Variants in CERK observed in about 807,000 individuals in gnomAD.
The protein encoded by CERK is ceramide kinase.
In CERK, 39 loss-of-function variants were observed where a neutral mutation model predicts 63.4. The observed-to-expected ratio is 0.61, with a 90% CI of 0.48 to 0.80. The LOEUF is 0.80. Among genes scored for constraint, CERK ranks in the 30% least tolerant of loss-of-function variants. The pLI is 0.00. For missense variants in CERK, 670 were observed against 714.1 expected (o/e 0.94, Z 0.70); for synonymous variants, 302 against 280.0 (o/e 1.08, Z -0.78).
chr22:46,700,203 G>T (rs2082776715), intron 7 of CERK, among the ~76,000 whole-genome samples: 1 of 151,768 alleles, frequency 6.6e-6, no homozygotes, highest in South Asian at 2.1e-4. Flanking sequence ...AGACCAGCCT[G>T]GTCAACATGG....
chr22:46,720,996 T>TA lies in CERK; in HGVS notation c.161dup (p.Ser55IlefsTer2). 1 of 1,613,194 alleles carries TA rather than the reference T, an allele frequency of 6.2e-7. No individual in the cohort carries two copies. The highest frequency in any genetic ancestry group is 1.7e-5 in the Admixed American group (1 of 60,000). On this transcript the variant is annotated frameshift_variant, in exon 2 of 13. Transcript: ENST00000216264. LOFTEE classifies it high-confidence loss of function. ...TTTCCTCAACGGCGATGATCTCAGA[T>TA]ACAGGCACAGAGCAGGCATCTGTAA... is the stretch of plus-strand genomic sequence containing the variant.
At chr22:46,713,406 G>A (rs1164046530) in intron 3 of CERK, among the ~76,000 whole-genome samples, 2 of 151,586 alleles carry the variant, frequency 1.3e-5, no homozygotes, top group African/African-American at 4.8e-5. Context: ...CTACTTGGGA[G>A]GCTGAGGCAG....
In CERK at chr22:46,736,431, G is replaced by T. The variant is rs557741944; in HGVS notation, c.142+1576C>A. Reference sequence around the variant, plus strand: ...AGTCACTTCCAGCCCCTGCAGATCGGCCCCTGCATCCCTAGGACGGGAGCA... The same window carrying T: ...AGTCACTTCCAGCCCCTGCAGATCGTCCCCTGCATCCCTAGGACGGGAGCA... On this transcript the variant is annotated intron_variant, in intron 1 of 12. Transcript: ENST00000216264. 8.5e-5 allele frequency among the ~76,000 whole-genome samples: 13 copies of T among 152,330 alleles called. No homozygotes were observed. The South Asian group carries it at 2.7e-3, about 32-fold the overall frequency.
chr22:46,700,463 C>T (rs139203672), intron 7 of CERK, among the ~76,000 whole-genome samples: 14 of 151,856 alleles, frequency 9.2e-5, no homozygotes, highest in South Asian at 2.1e-4. Flanking sequence ...CAGTGGCTCA[C>T]GCCTATAATC....
At chr22:46,715,991 G>T (rs893321795) in intron 3 of CERK, among the ~76,000 whole-genome samples, 2 of 152,076 alleles carry the variant, frequency 1.3e-5, no homozygotes, top group Admixed American at 6.6e-5. Flanking sequence ...TTTGAGACCA[G>T]CCTGGGCAAC....
At chr22:46,700,233 A>C (rs1258727147) in intron 7 of CERK, among the ~76,000 whole-genome samples, 1 of 150,788 alleles carries the variant, frequency 6.6e-6, no homozygotes, top group Non-Finnish European at 1.5e-5. Context: ...GTCTCTACTA[A>C]AAATACAAAA....
rs2082704903 is a variant in CERK, at chr22:46,686,998, T to G, written c.*136A>C. On this transcript the variant is annotated 3_prime_UTR_variant, in exon 13 of 13. Transcript: ENST00000216264. ...GTACACAAAATTGTTGACAAAAGGG[T>G]TTTCTTCTAAAATCAAGATTTAACT... 2.5e-6 allele frequency: 2 copies of G among 786,398 alleles called. No individual in the cohort carries two copies. The highest frequency in any genetic ancestry group is 5.5e-5 in the East Asian group (2 of 36,612). 48.7% of individuals were successfully genotyped at this position (786,398 alleles called of 1,614,324 possible).
chr22:46,719,174 C>G (rs9616107), intron 3 of CERK, among the ~76,000 whole-genome samples: 20,150 of 150,496 alleles, frequency 0.13, 1,751 homozygotes, highest in African/African-American at 0.25. Context: ...GTGTGTGTGT[C>G]TACCATATGT....
intron 1 of CERK, among the ~76,000 whole-genome samples, chr22:46,734,164 G>A (rs2082960656): frequency 6.6e-6 from 1 of 151,904 alleles, no homozygotes; most frequent in Admixed American, 6.6e-5. Context: ...TAAAGGGTCA[G>A]GGTGTCTTTA....
intron 3 of CERK, among the ~76,000 whole-genome samples, chr22:46,712,644 T>G (rs2082847236): frequency 6.6e-6 from 1 of 151,886 alleles, no homozygotes; most frequent in South Asian, 2.1e-4. Flanking sequence ...GAGGTGAGTG[T>G]GCAGACAGCA....
intron 7 of CERK, among the ~76,000 whole-genome samples, chr22:46,700,300 G>A (rs1465202346): frequency 6.6e-6 from 1 of 152,030 alleles, no homozygotes; most frequent in African/African-American, 2.4e-5. Flanking sequence ...GGCTGAGGCA[G>A]GAGAATCGCT....
Position 46,738,176 on chromosome 22 carries a change from T to G in CERK, c.-28A>C. The G allele has an allele frequency of 3.5e-6, 4 of 1,130,722 alleles. No homozygotes were observed. Among genetic ancestry groups the G allele is most frequent in the South Asian group, 3.4e-5 (1 of 29,032 alleles). 70.0% of individuals were successfully genotyped at this position (1,130,722 alleles called of 1,614,324 possible). ...CCGCCGCCGGGCTCGTCCGCCAGGC[T>G]GGGGGCGCGCGGACGCCGAGGGGCG... On this transcript the variant is annotated 5_prime_UTR_variant, in exon 1 of 13. Coordinates refer to ENST00000216264, the MANE Select transcript of CERK (RefSeq NM_022766.6).
chr22:46,723,168 A>AG (rs1164978360), intron 1 of CERK, among the ~76,000 whole-genome samples: 1 of 152,254 alleles, frequency 6.6e-6, no homozygotes, highest in Non-Finnish European at 1.5e-5. Flanking sequence ...CTCTGGCAAG[A>AG]GAAAAAGACA....
At chr22:46,737,974 G>A in intron 1 of CERK, 33 bp downstream of exon 1, 1 of 1,158,630 alleles carries the variant, frequency 8.6e-7, no homozygotes, top group Non-Finnish European at 1.1e-6. Context: ...CCCTGGCCAG[G>A]TCCGGCCGAA....
chr22:46,711,020 C>G, intron 5 of CERK, 66 bp downstream of exon 5: 1 of 1,334,008 alleles, frequency 7.5e-7, no homozygotes, highest in Non-Finnish European at 1.1e-6. Context: ...GCTCTCAAAA[C>G]TGAGAGGTGG....
rs559582179 is a variant in CERK, at chr22:46,706,597, T to A, written c.715+1246A>T. On this transcript the variant is annotated intron_variant, in intron 6 of 12. Transcript: ENST00000216264. The stretch of plus-strand genomic sequence containing the variant: ...GTGAGTGACATTCTTCTAAAACTCA[T>A]CAGGCGATATTATGAAAAGTTCCTC... Among the ~76,000 whole-genome samples the A allele has an allele frequency of 1.1e-3, 170 of 152,282 alleles. 1 individual carries two copies. The highest frequency in any genetic ancestry group is 2.1e-3 in the Non-Finnish European group (146 of 68,020).
intron 1 of CERK, chr22:46,735,475 A>T (rs2082968345): frequency 6.6e-6 from 1 of 151,908 alleles, no homozygotes; most frequent in Admixed American, 6.6e-5. Context: ...GTCAATTCCC[A>T]CTCCTACTGT....
intron 1 of CERK, among the ~76,000 whole-genome samples, chr22:46,724,329 C>T (rs531453272): frequency 6.6e-5 from 10 of 152,300 alleles, no homozygotes; most frequent in African/African-American, 1.7e-4. Flanking sequence ...TATCGCAAGG[C>T]GTCCAGTCAA....
At chr22:46,691,517 G>T (rs570934836) in intron 11 of CERK, 55 bp downstream of exon 11, 4 of 1,428,296 alleles carry the variant, frequency 2.8e-6, no homozygotes, top group Admixed American at 3.7e-5. Flanking sequence ...ACCAGGGACT[G>T]CTGGAACATA....
Sources: gnomAD v4.1 joint callset for allele counts (sites outside exome capture counted in the v4.1 genomes callset) on GRCh38, gnomAD v4.1.1 for gene constraint, MANE v1.5 for transcripts, NCBI Gene and HGNC (gene_info 2026-07-23, HGNC 2026-07-21) for gene names.